Variants in FMN1 observed in about 807,000 individuals in gnomAD.
FMN1 encodes the protein formin 1, also known as formin-1.
In FMN1, 110 loss-of-function variants were observed where a neutral mutation model predicts 132.4. That is an observed-to-expected ratio of 0.83 (90% CI 0.71 to 0.97). The LOEUF (loss-of-function observed/expected upper bound fraction) is 0.97, where lower values mean the gene tolerates loss of function less well. Ranked by LOEUF, FMN1 falls within the 50% of genes least tolerant of loss-of-function variation. The probability of loss-of-function intolerance (pLI) is 0.00; values close to 1 mark genes in which losing one functional copy is unlikely to be tolerated. For missense variants in FMN1, 1,792 were observed against 1,705.3 expected, an observed-to-expected ratio of 1.05 and a Z score of -0.90; for synonymous variants, 722 against 651.7, an observed-to-expected ratio of 1.11 and a Z score of -1.64.
At chr15:33,069,069 C>T (rs938571989) in intron 5 of FMN1, among the ~76,000 whole-genome samples, 1 of 152,206 alleles carries the variant, frequency 6.6e-6, no homozygotes, top group African/African-American at 2.4e-5. Flanking sequence ...CAAGGATCCA[C>T]GTTCTCCTAA....
intron 10 of FMN1, among the ~76,000 whole-genome samples, chr15:32,920,830 C>T (rs1486212969): frequency 1.3e-5 from 2 of 152,216 alleles, no homozygotes; most frequent in Non-Finnish European, 2.9e-5. Flanking sequence ...TCCAAATATC[C>T]CTCATACGTG....
chr15:32,943,990 A>G (rs2061451704), intron 9 of FMN1, among the ~76,000 whole-genome samples: 1 of 152,160 alleles, frequency 6.6e-6, no homozygotes, highest in Admixed American at 6.6e-5. Context: ...CAACTGGCAG[A>G]ATCCTTTTAT....
chr15:32,884,741 T>C (rs898167037), intron 16 of FMN1, among the ~76,000 whole-genome samples: 2 of 152,216 alleles, frequency 1.3e-5, no homozygotes, highest in African/African-American at 4.8e-5. Context: ...ATCAGGGAAA[T>C]TGAAATTATT....
chr15:32,974,198 TAAAG>T (rs1418860298), intron 7 of FMN1, among the ~76,000 whole-genome samples: 1 of 152,208 alleles, frequency 6.6e-6, no homozygotes, highest in Non-Finnish European at 1.5e-5. Context: ...TTAGGACATA[TAAAG>T]AAAGTCTCAA....
chr15:33,151,225 C>T (rs1271043403), intron 4 of FMN1: 3 of 1,534,282 alleles, frequency 2.0e-6, no homozygotes, highest in South Asian at 2.4e-5. Context: ...GAAGTCTCCA[C>T]AGTAGAGAAG....
At chr15:32,888,848 T>A (rs917098884) in intron 15 of FMN1, among the ~76,000 whole-genome samples, 3 of 147,952 alleles carry the variant, frequency 2.0e-5, no homozygotes, top group Admixed American at 6.7e-5. Flanking sequence ...TATCTACACA[T>A]ATACACAGGT....
At chr15:32,946,516 T>C (rs775453968) in intron 9 of FMN1, among the ~76,000 whole-genome samples, 10 of 152,334 alleles carry the variant, frequency 6.6e-5, no homozygotes, top group South Asian at 2.1e-4. Context: ...ATTAGTCATA[T>C]TGCAACAAGG....
At chr15:32,984,673 G>A (rs1006580782) in intron 7 of FMN1, among the ~76,000 whole-genome samples, 5 of 152,124 alleles carry the variant, frequency 3.3e-5, no homozygotes, top group Admixed American at 6.6e-5. Context: ...ATCTACGTAT[G>A]GTTTATATGT....
intron 19 of FMN1, among the ~76,000 whole-genome samples, chr15:32,788,518 G>C (rs2056956195): frequency 6.6e-6 from 1 of 152,158 alleles, no homozygotes; most frequent in South Asian, 2.1e-4. Context: ...TGGGTGACTG[G>C]AACAAAAGGG....
At chr15:33,146,411 C>A (rs1293069346) in intron 4 of FMN1, among the ~76,000 whole-genome samples, 3 of 152,216 alleles carry the variant, frequency 2.0e-5, no homozygotes, top group East Asian at 3.9e-4. Context: ...GTTGTTCCTC[C>A]CTATTATCCA....
At chr15:32,794,672 T>C (rs554183717) in intron 19 of FMN1, among the ~76,000 whole-genome samples, 2 of 152,340 alleles carry the variant, frequency 1.3e-5, no homozygotes, top group East Asian at 3.9e-4. Context: ...ACTTGGATAA[T>C]CTATTGATTT....
At chr15:33,064,680 T>A (rs551551791) in intron 6 of FMN1, 27 of 236,682 alleles carry the variant, frequency 1.1e-4, no homozygotes, top group African/African-American at 5.9e-4. Context: ...CCTGAGGGAT[T>A]TGCAATCTAC....
At chr15:32,977,878 T>C (rs929881142) in intron 7 of FMN1, among the ~76,000 whole-genome samples, 1 of 151,868 alleles carries the variant, frequency 6.6e-6, no homozygotes, top group Non-Finnish European at 1.5e-5. Context: ...TTTTTTTTTT[T>C]CTGAGACAGA....
intron 5 of FMN1, among the ~76,000 whole-genome samples, chr15:33,072,007 T>G (rs937795000): frequency 2.0e-5 from 3 of 152,154 alleles, no homozygotes; most frequent in Non-Finnish European, 4.4e-5. Flanking sequence ...GATTCTCTTT[T>G]GTCTTGTCTT....
At chr15:33,028,204 T>C (rs1288909311) in intron 6 of FMN1, among the ~76,000 whole-genome samples, 1 of 152,228 alleles carries the variant, frequency 6.6e-6, no homozygotes, top group African/African-American at 2.4e-5. Context: ...TTAAAAGCTT[T>C]CCAGGTGACT....
chr15:32,801,760 A>C (rs1393581094), intron 18 of FMN1, among the ~76,000 whole-genome samples: 1 of 152,226 alleles, frequency 6.6e-6, no homozygotes, highest in Non-Finnish European at 1.5e-5. Flanking sequence ...GCGCCACTGC[A>C]ATCCAGCCTG....
chr15:32,838,872 G>A (rs967939881), intron 17 of FMN1, among the ~76,000 whole-genome samples: 23 of 152,122 alleles, frequency 1.5e-4, no homozygotes, highest in Admixed American at 1.3e-3. Context: ...AAGAAATCTC[G>A]AGAGCCCAGC....
intron 4 of FMN1, among the ~76,000 whole-genome samples, chr15:33,125,350 TTTC>T (rs1447424082): frequency 1.3e-5 from 2 of 152,186 alleles, no homozygotes; most frequent in African/African-American, 2.4e-5. Flanking sequence ...AGGAAAATAG[TTTC>T]CTTTTAAAAT....
chr15:33,028,173 G>A (rs1176025140), intron 6 of FMN1, among the ~76,000 whole-genome samples: 2 of 152,190 alleles, frequency 1.3e-5, no homozygotes, highest in Admixed American at 1.3e-4. Flanking sequence ...GGCATGAGAT[G>A]CGTGTTAGGA....
Sources: gnomAD v4.1 joint callset for allele counts (sites outside exome capture counted in the v4.1 genomes callset) on GRCh38, gnomAD v4.1.1 for gene constraint, MANE v1.5 for transcripts, NCBI Gene and HGNC (gene_info 2026-07-23, HGNC 2026-07-21) for gene names.